Variants in ZNF678 observed in about 807,000 individuals in gnomAD.
The protein encoded by ZNF678 is zinc finger protein 678.
A neutral mutation model predicts 3.0 loss-of-function variants in ZNF678; 5 were observed. The observed-to-expected ratio is 1.69, with a 90% CI of 0.88 to 3.56. The LOEUF (loss-of-function observed/expected upper bound fraction) is 3.56. Among genes scored for constraint, ZNF678 ranks in the 30% most tolerant of loss-of-function variants. The probability of loss-of-function intolerance (pLI) is 0.00; values close to 1 mark genes in which losing one functional copy is unlikely to be tolerated. For missense variants in ZNF678, 593 were observed against 605.0 expected (o/e 0.98, Z 0.21); for synonymous variants, 218 against 199.6 (o/e 1.09, Z -0.78).
At chr1:227,564,257 G>A (rs575363686) in intron 1 of ZNF678, among the ~76,000 whole-genome samples, 2 of 152,258 alleles carry the variant, frequency 1.3e-5, no homozygotes, top group Admixed American at 1.3e-4. Flanking sequence ...CACCTTATTT[G>A]GACTGTCCAG....
intron 1 of ZNF678, among the ~76,000 whole-genome samples, chr1:227,566,409 C>T (rs1656686155): frequency 6.6e-6 from 1 of 152,142 alleles, no homozygotes; most frequent in South Asian, 2.1e-4. Flanking sequence ...AAAACTAGTC[C>T]AAAGGACAAG....
At chr1:227,626,328 C>G (rs1658414441) in intron 1 of ZNF678, among the ~76,000 whole-genome samples, 1 of 152,082 alleles carries the variant, frequency 6.6e-6, no homozygotes, top group Non-Finnish European at 1.5e-5. Flanking sequence ...TGTGATGTAT[C>G]CAAGATTCTA....
intron 1 of ZNF678, among the ~76,000 whole-genome samples, chr1:227,567,607 T>C (rs1278787400): frequency 6.6e-6 from 1 of 152,192 alleles, no homozygotes; most frequent in Non-Finnish European, 1.5e-5. Context: ...TTTCTGAGGA[T>C]AAATTTCATT....
At chr1:227,647,473 A>C (rs1360140367) in intron 2 of ZNF678, among the ~76,000 whole-genome samples, 1 of 152,162 alleles carries the variant, frequency 6.6e-6, no homozygotes, top group African/African-American at 2.4e-5. Flanking sequence ...TCCAGACCTG[A>C]TCACCTTTCC....
intron 1 of ZNF678, among the ~76,000 whole-genome samples, chr1:227,613,914 G>A (rs10495277): frequency 0.19 from 29,663 of 152,178 alleles, 3,057 homozygotes; most frequent in East Asian, 0.25. Context: ...TGATTATTGA[G>A]AATAGGACTC....
chr1:227,607,320 C>G (rs938453638), intron 1 of ZNF678, among the ~76,000 whole-genome samples: 1 of 152,112 alleles, frequency 6.6e-6, no homozygotes, highest in African/African-American at 2.4e-5. Context: ...TACCCTCTTT[C>G]TGAGGGTCTT....
intron 1 of ZNF678, among the ~76,000 whole-genome samples, chr1:227,629,767 C>G (rs933028817): frequency 6.6e-6 from 1 of 152,170 alleles, no homozygotes; most frequent in Non-Finnish European, 1.5e-5. Context: ...CAGTGATTCC[C>G]TTGACATAAG....
intron 1 of ZNF678, among the ~76,000 whole-genome samples, chr1:227,603,327 G>T (rs189737928): frequency 6.6e-6 from 1 of 152,192 alleles, no homozygotes; most frequent in Non-Finnish European, 1.5e-5. Flanking sequence ...CAGGTTGGGG[G>T]AAGTGCTAGG....
chr1:227,609,300 T>C (rs1318539139), intron 1 of ZNF678, among the ~76,000 whole-genome samples: 3 of 152,052 alleles, frequency 2.0e-5, no homozygotes, highest in African/African-American at 7.2e-5. Context: ...AATATAAACA[T>C]TTGAAAAATA....
chr1:227,651,198 TG>T, intron 3 of ZNF678, 122 bp downstream of exon 3: 1 of 1,097,320 alleles, frequency 9.1e-7, no homozygotes, highest in African/African-American at 1.6e-5. Context: ...CTGTCTTTGG[TG>T]GGCTTATTAC....
chr1:227,642,379 C>T (rs1658842850), intron 1 of ZNF678, among the ~76,000 whole-genome samples: 1 of 152,180 alleles, frequency 6.6e-6, no homozygotes, highest in African/African-American at 2.4e-5. Context: ...CTACCTTCAG[C>T]AGGACCTGGA....
At chr1:227,635,580 T>C (rs55684825) in intron 1 of ZNF678, among the ~76,000 whole-genome samples, 4,014 of 146,724 alleles carry the variant, frequency 0.027, 190 homozygotes, top group African/African-American at 0.094. Context: ...CATGCTGTTT[T>C]AATGAGCACC....
chr1:227,656,649 A>T lies in ZNF678; in HGVS notation c.*821A>T, dbSNP rs1659257283. The T allele has an allele frequency of 6.6e-6, 1 of 151,926 alleles. No homozygotes were observed. The highest frequency in any genetic ancestry group is 2.4e-5 in the African/African-American group (1 of 41,418). 9.4% of individuals were successfully genotyped at this position (151,926 alleles called of 1,614,324 possible). On this transcript the variant is annotated 3_prime_UTR_variant, in exon 4 of 4. Transcript: ENST00000343776. ...AAGTAGAAATGCTTTTTGTTGATGT[A>T]TAACAGTGTTTTAAGTAACACATTA...
At chr1:227,630,075 T>G (rs2102779477) in intron 1 of ZNF678, among the ~76,000 whole-genome samples, 1 of 152,312 alleles carries the variant, frequency 6.6e-6, no homozygotes, top group South Asian at 2.1e-4. Flanking sequence ...TTTTGAAGTT[T>G]TTTTCTAATG....
At chr1:227,628,694 G>A (rs966291285) in intron 1 of ZNF678, among the ~76,000 whole-genome samples, 1 of 152,244 alleles carries the variant, frequency 6.6e-6, no homozygotes, top group Non-Finnish European at 1.5e-5. Context: ...TGGCGAGGAA[G>A]TTTAAGAGCA....
At chr1:227,641,905 G>T (rs1658831553) in intron 1 of ZNF678, among the ~76,000 whole-genome samples, 1 of 152,222 alleles carries the variant, frequency 6.6e-6, no homozygotes, top group Non-Finnish European at 1.5e-5. Flanking sequence ...TAGGCGTTAA[G>T]ACTCTCAACT....
chr1:227,581,437 T>C (rs1657127048), intron 1 of ZNF678, among the ~76,000 whole-genome samples: 1 of 152,186 alleles, frequency 6.6e-6, no homozygotes, highest in South Asian at 2.1e-4. Flanking sequence ...AGATGCCCTC[T>C]TGTAGTTTCT....
chr1:227,633,113 C>T (rs1658590981), intron 1 of ZNF678, among the ~76,000 whole-genome samples: 1 of 152,134 alleles, frequency 6.6e-6, no homozygotes, highest in Non-Finnish European at 1.5e-5. Flanking sequence ...TTGTGGTGGA[C>T]ACCCTGCCGG....
downstream of ZNF678, among the ~76,000 whole-genome samples, chr1:227,663,397 G>GTAATATCTTTGTAATA (rs1008625965): frequency 2.6e-4 from 39 of 152,296 alleles, no homozygotes; most frequent in African/African-American, 8.2e-4. Flanking sequence ...ATAAAGACGT[G>GTAATATCTTTGTAATA]ATATCAAGAC....
Sources: gnomAD v4.1 joint callset for allele counts (sites outside exome capture counted in the v4.1 genomes callset) on GRCh38, gnomAD v4.1.1 for gene constraint, MANE v1.5 for transcripts, NCBI Gene and HGNC (gene_info 2026-07-23, HGNC 2026-07-21) for gene names.